Variants in MCHR2 observed in about 807,000 individuals in gnomAD.
MCHR2 encodes the protein melanin concentrating hormone receptor 2.
In MCHR2, 15 loss-of-function variants were observed where a neutral mutation model predicts 24.8. The ratio of observed to expected loss-of-function variants is 0.60; its 90% CI spans 0.40 to 0.93. MCHR2 has a LOEUF of 0.93. MCHR2 is among the 40% of genes least tolerant of loss of function. The pLI, the probability that MCHR2 is intolerant of heterozygous loss-of-function variation, is 0.00. For missense variants in MCHR2, 386 were observed against 408.7 expected (o/e 0.94, Z 0.48); for synonymous variants, 151 against 147.6 (o/e 1.02, Z -0.17).
chr6:99,937,110 T>A (rs527309729), intron 4 of MCHR2, among the ~76,000 whole-genome samples: 1 of 151,930 alleles, frequency 6.6e-6, no homozygotes, highest in South Asian at 2.1e-4. Context: ...AGTTTTTTGG[T>A]GAGTTTTAGG....
intron 2 of MCHR2, among the ~76,000 whole-genome samples, chr6:99,953,764 G>A (rs1775010130): frequency 6.6e-6 from 1 of 151,520 alleles, no homozygotes; most frequent in Non-Finnish European, 1.5e-5. Flanking sequence ...ATATTGAATT[G>A]AATTTCTTCT....
intron 1 of MCHR2, among the ~76,000 whole-genome samples, chr6:99,989,344 A>G (rs1320728061): frequency 6.6e-6 from 1 of 152,242 alleles, no homozygotes; most frequent in Non-Finnish European, 1.5e-5. Context: ...CAAGATTTAT[A>G]GAATGTTTGT....
In MCHR2 at chr6:99,943,042, G is replaced by C; in HGVS notation, c.494C>G (p.Ala165Gly). ...LGLWAASFIL[A>G]LPVWVYSKVI... Reference sequence around the variant, plus strand: ...CTTCGAGTAGACCCAGACAGGCAATGCCAGGATAAAGGAAGCTGCCCAAAG... The same window carrying C: ...CTTCGAGTAGACCCAGACAGGCAATCCCAGGATAAAGGAAGCTGCCCAAAG... Residue 165 changes from alanine (A) to glycine (G), a missense_variant, in exon 4 of 6, where the codon GCA (alanine) becomes GGA (glycine). Coordinates refer to ENST00000281806, the MANE Select transcript of MCHR2 (RefSeq NM_001040179.2). The C allele has an allele frequency of 6.2e-7, 1 of 1,613,204 alleles. No individual in the cohort carries two copies. The highest frequency in any genetic ancestry group is 8.5e-7 in the Non-Finnish European group (1 of 1,179,422).
intron 1 of MCHR2, among the ~76,000 whole-genome samples, chr6:99,969,165 G>A (rs1279965930): frequency 1.3e-5 from 2 of 151,974 alleles, no homozygotes; most frequent in Non-Finnish European, 2.9e-5. Context: ...TAATTTTTCA[G>A]CCATCTAACG....
At chr6:99,962,270 A>T (rs1358520491) in intron 1 of MCHR2, among the ~76,000 whole-genome samples, 1 of 152,206 alleles carries the variant, frequency 6.6e-6, no homozygotes, top group Non-Finnish European at 1.5e-5. Context: ...TGGACTAATC[A>T]TGTCTTCAGA....
At chr6:99,923,152 T>A (rs549396535) in intron 5 of MCHR2, among the ~76,000 whole-genome samples, 1 of 152,276 alleles carries the variant, frequency 6.6e-6, no homozygotes, top group South Asian at 2.1e-4. Context: ...GTGGCTATTA[T>A]CAATGGGCTT....
intron 1 of MCHR2, among the ~76,000 whole-genome samples, chr6:99,976,550 A>G (rs1016276541): frequency 2.1e-4 from 32 of 152,300 alleles, no homozygotes; most frequent in Non-Finnish European, 2.2e-4. Context: ...TCAAACCACC[A>G]TCTATGGCTT....
rs1201027283 is a variant in MCHR2, at chr6:99,921,074, C to T, written c.889G>A (p.Ala297Thr). ...AGAAAAGGGTTAATGCTGCTGCTGGCATAGCTGAGACAGATGGAGAGGTAA... is the reference window on the plus strand; with the variant it reads ...AGAAAAGGGTTAATGCTGCTGCTGGTATAGCTGAGACAGATGGAGAGGTAA... ...GYYLSICLSYASSSINPFLYI... is the reference protein window; with the variant it reads ...GYYLSICLSYTSSSINPFLYI... The change falls in exon 6 of 6, where the codon GCC becomes ACC. Residue 297 changes from alanine (A) to threonine (T), a missense_variant. Coordinates refer to ENST00000281806, the MANE Select transcript of MCHR2 (RefSeq NM_001040179.2). The T allele has an allele frequency of 6.2e-7, 1 of 1,614,060 alleles. No individual in the cohort carries two copies. The highest frequency in any genetic ancestry group is 8.5e-7 in the Non-Finnish European group (1 of 1,180,040).
chr6:99,946,733 G>A (rs1774878491), intron 3 of MCHR2, among the ~76,000 whole-genome samples: 1 of 152,100 alleles, frequency 6.6e-6, no homozygotes, highest in Non-Finnish European at 1.5e-5. Flanking sequence ...TGAATCAAAG[G>A]AAAAACAGTA....
chr6:99,976,157 C>A (rs958712529), intron 1 of MCHR2, among the ~76,000 whole-genome samples: 3 of 152,112 alleles, frequency 2.0e-5, no homozygotes, highest in African/African-American at 7.2e-5. Context: ...AAGATAAAAT[C>A]CAGGAAAATA....
chr6:99,971,002 T>C (rs2114568141), intron 1 of MCHR2, among the ~76,000 whole-genome samples: 1 of 152,352 alleles, frequency 6.6e-6, no homozygotes, highest in East Asian at 1.9e-4. Context: ...GCATGATGCC[T>C]CTGGCTTTGT....
At chr6:99,992,598 C>T (rs926806005) in intron 1 of MCHR2, among the ~76,000 whole-genome samples, 23 of 152,176 alleles carry the variant, frequency 1.5e-4, no homozygotes, top group African/African-American at 5.6e-4. Flanking sequence ...ATTCAATCTC[C>T]GTTTAACTAA....
At position 99,956,063 on chromosome 6, in the gene MCHR2, C is replaced by A. The variant is rs775172603; in HGVS notation, c.85G>T (p.Ala29Ser). Residue 29 changes from alanine (A) to serine (S), a missense_variant, in exon 2 of 6, where the codon GCC becomes TCC. Physicochemically the swap from Ala to Ser is moderately conservative, Grantham distance 99. Transcript: ENST00000281806. ...AGGATGACTGTATCTACCACACTGG[C>A]AGTTTGATAAGCAAACTCTTTATTC... is the stretch of plus-strand genomic sequence containing the variant. ...SWNKEFAYQT[A>S]SVVDTVILPS... 1.2e-6 allele frequency: 2 copies of A among 1,613,366 alleles called. No individual in the cohort carries two copies. Among genetic ancestry groups the A allele is most frequent in the Non-Finnish European group, 1.7e-6 (2 of 1,179,550 alleles).
At chr6:99,925,844 A>T in intron 5 of MCHR2, among the ~76,000 whole-genome samples, 1 of 146,642 alleles carries the variant, frequency 6.8e-6, no homozygotes, top group Non-Finnish European at 1.5e-5. Context: ...TTATTTTATT[A>T]TTATTATACT....
At position 99,920,966 on chromosome 6, in the gene MCHR2, C is replaced by T; in HGVS notation, c.997G>A (p.Gly333Arg). 6.2e-7 allele frequency: 1 copy of T among 1,614,068 alleles called. No individual in the cohort carries two copies. Among genetic ancestry groups the T allele is most frequent in the Non-Finnish European group, 8.5e-7 (1 of 1,179,998 alleles). Reference protein sequence around the residue: ...RATEKEINNMGNTLKSHF With the variant: ...RATEKEINNMRNTLKSHF ...TAAAAGTGTGATTTCAGAGTGTTTCCCATATTGTTGATTTCCTTCTCAGTC... is the reference window on the plus strand; with the variant it reads ...TAAAAGTGTGATTTCAGAGTGTTTCTCATATTGTTGATTTCCTTCTCAGTC... Residue 333 changes from glycine to arginine, a missense_variant, in exon 6 of 6, where the codon GGA becomes AGA. By Grantham distance (125) the Gly-to-Arg change is moderately radical. Transcript: ENST00000281806.
chr6:99,953,833 T>A (rs2114537968), intron 2 of MCHR2, among the ~76,000 whole-genome samples: 1 of 152,218 alleles, frequency 6.6e-6, no homozygotes, highest in Non-Finnish European at 1.5e-5. Context: ...CAGGACACAA[T>A]AAGGAATGCT....
At chr6:99,940,043 T>G (rs370960657) in intron 4 of MCHR2, among the ~76,000 whole-genome samples, 20 of 151,960 alleles carry the variant, frequency 1.3e-4, no homozygotes, top group African/African-American at 4.8e-4. Flanking sequence ...TTTTGAGAGT[T>G]TATTATATGC....
At chr6:99,943,921 GA>G (rs1774827144) in intron 3 of MCHR2, among the ~76,000 whole-genome samples, 1 of 152,164 alleles carries the variant, frequency 6.6e-6, no homozygotes, top group African/African-American at 2.4e-5. Context: ...ACAGAGGCAG[GA>G]AGGAAGAAAA....
intron 1 of MCHR2, among the ~76,000 whole-genome samples, chr6:99,969,717 C>T (rs1461029128): frequency 8.8e-6 from 1 of 113,712 alleles, no homozygotes; most frequent in Non-Finnish European, 1.7e-5. Context: ...CCCCCCTCCC[C>T]CCACCCCACA....
Sources: allele counts gnomAD v4.1 joint callset (sites outside exome capture counted in the v4.1 genomes callset), GRCh38; gene constraint gnomAD v4.1.1; transcripts MANE v1.5; gene names NCBI Gene and HGNC (gene_info 2026-07-23, HGNC 2026-07-21).